EVL: variants seen among roughly 807,000 people sequenced by gnomAD.
EVL encodes Enah/Vasp-like, also known as ena/VASP-like protein.
In EVL, 21 loss-of-function variants were observed where a neutral mutation model predicts 59.6. The ratio of observed to expected loss-of-function variants is 0.35; its 90% CI spans 0.25 to 0.51. EVL has a LOEUF of 0.51. Among genes scored for constraint, EVL ranks in the 20% least tolerant of loss-of-function variants. EVL has a pLI of 0.97. For missense variants in EVL, 462 were observed against 546.6 expected, an observed-to-expected ratio of 0.85 and a Z score of 1.54; for synonymous variants, 198 against 203.5, an observed-to-expected ratio of 0.97 and a Z score of 0.23.
chr14:100,046,749 CTTTCT>C (rs1227888079), intron 1 of EVL, among the ~76,000 whole-genome samples: 26 of 146,024 alleles, frequency 1.8e-4, no homozygotes, highest in Middle Eastern at 3.6e-3. Context: ...TTTTCTTTTT[CTTTCT>C]TTTTTTTTTT....
In EVL at chr14:100,089,838, C is replaced by T. The variant is rs573800608; in HGVS notation, c.180+4983C>T. Among the ~76,000 whole-genome samples the T allele has an allele frequency of 5.5e-4, 84 of 152,220 alleles. 1 individual carries two copies. Among genetic ancestry groups the T allele is most frequent in the African/African-American group, 2.0e-3 (82 of 41,522 alleles). The stretch of plus-strand genomic sequence containing the variant: ...GTCCTTGCTACTCAGGAGGCTGAAG[C>T]TGGAGGATCACTTGAGCCAAGGAGT... On this transcript the variant is annotated intron_variant, in intron 2 of 13. Coordinates refer to ENST00000392920, the MANE Select transcript of EVL (RefSeq NM_016337.3).
intron 3 of EVL, chr14:100,107,616 G>A (rs1222710285): frequency 3.9e-6 from 1 of 255,212 alleles, no homozygotes; most frequent in Non-Finnish European, 7.4e-6. Flanking sequence ...CGAGGTGCAT[G>A]GAAAGCAGTG....
At chr14:100,138,182 A>G (rs1040052749) in intron 11 of EVL, 62 of 309,946 alleles carry the variant, frequency 2.0e-4, no homozygotes, top group African/African-American at 1.3e-3. Flanking sequence ...GGTGGTGGGG[A>G]CAGCTGTGAG....
At chr14:100,003,244 C>T (rs1233755569) in intron 1 of EVL, among the ~76,000 whole-genome samples, 1 of 152,156 alleles carries the variant, frequency 6.6e-6, no homozygotes, top group East Asian at 1.9e-4. Flanking sequence ...TTGGCATCTC[C>T]TTCCAGGCCT....
chr14:100,116,493 G>A (rs917839376), intron 3 of EVL, among the ~76,000 whole-genome samples: 2 of 152,220 alleles, frequency 1.3e-5, no homozygotes, highest in South Asian at 2.1e-4. Flanking sequence ...GGAGCTGGGG[G>A]CTGGTCTCCC....
At chr14:100,132,340 T>C (rs1033479951) in intron 7 of EVL, among the ~76,000 whole-genome samples, 2 of 151,782 alleles carry the variant, frequency 1.3e-5, no homozygotes, top group African/African-American at 4.8e-5. Context: ...TGGGACAGAC[T>C]GCAGCCCAGA....
chr14:100,050,090 C>T (rs1414365004), intron 1 of EVL, among the ~76,000 whole-genome samples: 10 of 152,190 alleles, frequency 6.6e-5, no homozygotes. Context: ...CAACAGTGGA[C>T]TGCCATAAAT....
At chr14:100,006,919 T>A (rs1428760082) in intron 1 of EVL, among the ~76,000 whole-genome samples, 1 of 151,896 alleles carries the variant, frequency 6.6e-6, no homozygotes, top group Non-Finnish European at 1.5e-5. Flanking sequence ...CAGCAAATTG[T>A]CCTGTTGGTT....
intron 1 of EVL, among the ~76,000 whole-genome samples, chr14:100,083,259 C>T (rs899821483): frequency 6.6e-6 from 1 of 152,100 alleles, no homozygotes. Context: ...CTGAGTGTAC[C>T]AGAAGCAGTA....
intron 1 of EVL, among the ~76,000 whole-genome samples, chr14:100,005,777 T>C (rs751923845): frequency 2.9e-4 from 44 of 152,044 alleles, no homozygotes; most frequent in Admixed American, 2.8e-3. Flanking sequence ...ATTGCTACTA[T>C]TGCAGAAGTA....
At chr14:100,092,426 A>G (rs759998278) in intron 2 of EVL, among the ~76,000 whole-genome samples, 2 of 152,132 alleles carry the variant, frequency 1.3e-5, no homozygotes, top group African/African-American at 2.4e-5. Flanking sequence ...AAAAAATGGA[A>G]TACTATGTAG....
intron 3 of EVL, among the ~76,000 whole-genome samples, chr14:100,102,706 C>T (rs922873099): frequency 9.2e-5 from 14 of 152,160 alleles, no homozygotes; most frequent in South Asian, 2.1e-4. Flanking sequence ...CCTACCCACC[C>T]GTTCCTCTTC....
chr14:100,029,823 G>A (rs1288936517), intron 1 of EVL, among the ~76,000 whole-genome samples: 2 of 151,988 alleles, frequency 1.3e-5, no homozygotes, highest in Non-Finnish European at 2.9e-5. Flanking sequence ...GTCTTCTCAG[G>A]GTATAACCCA....
At chr14:100,118,743 C>T (rs1162832898) in intron 3 of EVL, among the ~76,000 whole-genome samples, 1 of 152,186 alleles carries the variant, frequency 6.6e-6, no homozygotes. Context: ...CAGGAGGGCT[C>T]ATGGCTGAGT....
chr14:100,140,367 C>G (rs1159644217), intron 11 of EVL: 1 of 152,190 alleles, frequency 6.6e-6, no homozygotes, highest in Non-Finnish European at 1.5e-5. Context: ...TCCCAGCACT[C>G]TGGGAGGCCC....
chr14:100,122,218 T>C (rs1421370848), intron 3 of EVL, among the ~76,000 whole-genome samples: 1 of 152,214 alleles, frequency 6.6e-6, no homozygotes, highest in Non-Finnish European at 1.5e-5. Flanking sequence ...CATTCATCCT[T>C]CTTTCTTCAA....
intron 1 of EVL, among the ~76,000 whole-genome samples, chr14:100,059,708 T>C (rs1186394573): frequency 6.6e-6 from 1 of 151,710 alleles, no homozygotes; most frequent in Non-Finnish European, 1.5e-5. Flanking sequence ...GGAGTAGGAC[T>C]GTGCTCTTGA....
chr14:100,133,957 A>G (rs1888609564), intron 8 of EVL, among the ~76,000 whole-genome samples: 1 of 151,530 alleles, frequency 6.6e-6, no homozygotes, highest in African/African-American at 2.4e-5. Context: ...ACAAACAACA[A>G]CAACAAAAAA....
upstream of EVL, among the ~76,000 whole-genome samples, chr14:100,064,306 TAC>T (rs1474679817): frequency 2.0e-5 from 3 of 152,250 alleles, no homozygotes; most frequent in African/African-American, 7.2e-5. Flanking sequence ...TAAGGACAAG[TAC>T]AGTCGTTCTC....
Sources: gnomAD v4.1 joint callset for allele counts (sites outside exome capture counted in the v4.1 genomes callset) on GRCh38, gnomAD v4.1.1 for gene constraint, MANE v1.5 for transcripts, NCBI Gene and HGNC (gene_info 2026-07-23, HGNC 2026-07-21) for gene names.